Variants in PTP4A2 observed in about 807,000 individuals in gnomAD.
PTP4A2 encodes the protein protein tyrosine phosphatase type IVA 2.
Under a neutral mutation model 22.9 loss-of-function variants are expected in PTP4A2, and 2 were observed. The ratio of observed to expected loss-of-function variants is 0.09; its 90% CI spans 0.04 to 0.27. PTP4A2 has a LOEUF of 0.27. Ranked by LOEUF, PTP4A2 falls within the 10% of genes least tolerant of loss-of-function variation. The pLI is 1.00. For synonymous variants in PTP4A2, 68 were observed against 69.1 expected (o/e 0.98, Z 0.08); for missense variants, 103 against 205.1 (o/e 0.50, Z 3.04).
chr1:31,925,631 G>T (rs1652416195), intron 1 of PTP4A2, among the ~76,000 whole-genome samples: 1 of 151,452 alleles, frequency 6.6e-6, no homozygotes, highest in South Asian at 2.1e-4. Context: ...GTGGTGGTGG[G>T]CGCCTGTGGT....
chr1:31,913,124 T>C (rs1651631485), intron 3 of PTP4A2: 1 of 402,274 alleles, frequency 2.5e-6, no homozygotes, highest in Non-Finnish European at 4.9e-6. Flanking sequence ...AACCTCAAAT[T>C]GATACAGCTA....
In PTP4A2 at chr1:31,928,217, AAATATAAT is replaced by A. The variant is rs947387234; in HGVS notation, c.-593-8567_-593-8560del. Among the ~76,000 whole-genome samples, 616 of 139,932 alleles carry A rather than the reference AAATATAAT, an allele frequency of 4.4e-3. 3 individuals are homozygous for A. Among genetic ancestry groups the A allele is most frequent in the Admixed American group, 5.7e-3 (78 of 13,692 alleles). The allele number at this position is 139,932 out of a possible 152,430, so 91.8% of individuals were successfully genotyped here. On this transcript the variant is annotated intron_variant, in intron 1 of 5. Coordinates refer to ENST00000647444, the MANE Select transcript of PTP4A2 (RefSeq NM_080391.4). Reference sequence around the variant, plus strand: ...CATATATTTATATATTATAATATATAAATATAATAATATAATATATAGCATAATATAAT... The same window carrying A: ...CATATATTTATATATTATAATATATAAATATAATATATAGCATAATATAAT...
rs1651294773 is a variant in PTP4A2 at position 31,908,135 on chromosome 1, TTATATTATATATATATA to T, written c.*700_*716del. On this transcript the variant is annotated 3_prime_UTR_variant, in exon 6 of 6. Transcript: ENST00000647444. ...GAAAATATATATATATATATATATA[TTATATTATATATATATA>T]TATATATATATATATATATATATAT... 22 of 3,966 alleles carry T rather than the reference TTATATTATATATATATA, an allele frequency of 5.5e-3. 4 individuals carry two copies. Among genetic ancestry groups the T allele is most frequent in the South Asian group, 9.8e-3 (1 of 102 alleles). The allele number at this position is 3,966 out of a possible 1,614,324, so 0.2% of individuals were successfully genotyped here.
At chr1:31,923,496 G>A (rs897845861) in intron 1 of PTP4A2, among the ~76,000 whole-genome samples, 1 of 150,884 alleles carries the variant, frequency 6.6e-6, no homozygotes, top group Non-Finnish European at 1.5e-5. Flanking sequence ...TACCACGCCC[G>A]GCTAATTTTT....
rs1281008460 is a variant in PTP4A2 at position 31,930,264 on chromosome 1, G to A, written c.-594+7723C>T. ...GAGGCAGGAGAATGGCGTGAACCCC[G>A]GGGGGGCGGAACCTGCAGTGAGCCG... is the stretch of plus-strand genomic sequence containing the variant. On this transcript the variant is annotated intron_variant, in intron 1 of 5. Transcript: ENST00000647444. Among the ~76,000 whole-genome samples, 5 of 150,502 alleles carry A rather than the reference G, an allele frequency of 3.3e-5. No individual in the cohort carries two copies. The East Asian group carries it at 5.8e-4, about 17-fold the overall frequency.
intron 1 of PTP4A2, among the ~76,000 whole-genome samples, chr1:31,924,521 C>G (rs1652356804): frequency 6.6e-6 from 1 of 152,182 alleles, no homozygotes; most frequent in African/African-American, 2.4e-5. Context: ...CTAGAAAGTA[C>G]TCAAAAGTTG....
chr1:31,935,288 G>A (rs933586752), intron 1 of PTP4A2, among the ~76,000 whole-genome samples: 2 of 152,052 alleles, frequency 1.3e-5, no homozygotes, highest in South Asian at 2.1e-4. Context: ...CACACCCCGG[G>A]GCCCCAAGAG....
chr1:31,930,099 G>A (rs893525980), intron 1 of PTP4A2, among the ~76,000 whole-genome samples: 2 of 152,176 alleles, frequency 1.3e-5, no homozygotes, highest in African/African-American at 2.4e-5. Context: ...AGCACTTTGG[G>A]AGGCCAAGGC....
At chr1:31,922,588 TTCTTTC>T (rs1557865586) in intron 1 of PTP4A2, among the ~76,000 whole-genome samples, 1 of 11,124 alleles carries the variant, frequency 9.0e-5, no homozygotes, top group African/African-American at 3.8e-4. Context: ...CCAGGTTTGT[TTCTTTC>T]TTTCTTTCTT....
chr1:31,936,865 G>T (rs1652956531), intron 1 of PTP4A2, among the ~76,000 whole-genome samples: 1 of 152,142 alleles, frequency 6.6e-6, no homozygotes, highest in South Asian at 2.1e-4. Context: ...ATGACAGCAA[G>T]TACCATATTC....
At chr1:31,915,407 T>C (rs1173355080) in intron 3 of PTP4A2, 3 of 152,146 alleles carry the variant, frequency 2.0e-5, no homozygotes, top group Non-Finnish European at 4.4e-5. Context: ...CAGGCTGGAG[T>C]GCAGTGGCAT....
At chr1:31,909,505 C>T (rs1297955546) in intron 5 of PTP4A2, among the ~76,000 whole-genome samples, 1 of 151,968 alleles carries the variant, frequency 6.6e-6, no homozygotes, top group Non-Finnish European at 1.5e-5. Flanking sequence ...GAAACCCCGT[C>T]TACTAAAAAT....
At chr1:31,922,005 A>C (rs960615694) in intron 1 of PTP4A2, among the ~76,000 whole-genome samples, 15 of 152,206 alleles carry the variant, frequency 9.9e-5, no homozygotes, top group African/African-American at 3.6e-4. Flanking sequence ...GTAAAAACAC[A>C]AAATGTCTAC....
In PTP4A2 at chr1:31,934,911, C is replaced by T. The variant is rs563535552; in HGVS notation, c.-594+3076G>A. On this transcript the variant is annotated intron_variant, in intron 1 of 5. Coordinates refer to ENST00000647444, the MANE Select transcript of PTP4A2 (RefSeq NM_080391.4). ...TGCTGTTCTGAGTCAGAAAATACCCCGTTCAGCAGTTCAAAACTATTTTTC... is the reference window on the plus strand; with the variant it reads ...TGCTGTTCTGAGTCAGAAAATACCCTGTTCAGCAGTTCAAAACTATTTTTC... Among the ~76,000 whole-genome samples, 117 of 152,270 alleles carry T rather than the reference C, an allele frequency of 7.7e-4. 1 individual carries two copies. The highest frequency in any genetic ancestry group is 1.3e-3 in the Admixed American group (20 of 15,294).
intron 1 of PTP4A2, among the ~76,000 whole-genome samples, chr1:31,925,752 T>C (rs1652422854): frequency 7.0e-6 from 1 of 143,098 alleles, no homozygotes; most frequent in African/African-American, 2.7e-5. Flanking sequence ...AGAGCAAGAC[T>C]CCATCTCAAA....
intron 1 of PTP4A2, among the ~76,000 whole-genome samples, chr1:31,923,245 C>T (rs1260825775): frequency 1.3e-5 from 2 of 150,206 alleles, no homozygotes; most frequent in Non-Finnish European, 3.0e-5. Flanking sequence ...CTTGCTCTAT[C>T]GCCCAGGCTG....
intron 5 of PTP4A2, 101 bp downstream of exon 5, chr1:31,909,937 A>G (rs2124136630): frequency 9.3e-7 from 1 of 1,073,742 alleles, no homozygotes; most frequent in Non-Finnish European, 1.3e-6. Context: ...AGCCAAAAAA[A>G]GCAAATTATC....
At chr1:31,923,397 C>T (rs1652291840) in intron 1 of PTP4A2, among the ~76,000 whole-genome samples, 4 of 143,500 alleles carry the variant, frequency 2.8e-5, no homozygotes, top group Admixed American at 7.1e-5. Context: ...TGCAGTGGCG[C>T]GATCTCGGCT....
In PTP4A2 at chr1:31,908,174, ATATATATATAT is replaced by A. The variant is rs1651324323; in HGVS notation, c.*667_*677del. The A allele has an allele frequency of 1.7e-4, 2 of 11,482 alleles. 1 individual carries two copies. The highest frequency in any genetic ancestry group is 2.9e-4 in the Non-Finnish European group (2 of 6,908). The allele number at this position is 11,482 out of a possible 1,614,324, so 0.7% of individuals were successfully genotyped here. A position where few individuals can be genotyped will look rare whatever the true frequency, so the allele number is the denominator to read the frequency against. ...TATATATATATATATATATATATATATATATATATATATATATATATATATATATATATCAC... is the reference window on the plus strand; with the variant it reads ...TATATATATATATATATATATATATAATATATATATATATATATATATCAC... On this transcript the variant is annotated 3_prime_UTR_variant, in exon 6 of 6. Transcript: ENST00000647444.
Sources: gnomAD v4.1 joint callset for allele counts (sites outside exome capture counted in the v4.1 genomes callset) on GRCh38, gnomAD v4.1.1 for gene constraint, MANE v1.5 for transcripts, NCBI Gene and HGNC (gene_info 2026-07-23, HGNC 2026-07-21) for gene names.